The following PLXNA4 variants were observed in gnomAD, a reference collection of about 807,000 sequenced individuals.
PLXNA4 encodes the protein plexin-A4.
A neutral mutation model predicts 191.8 loss-of-function variants in PLXNA4; 44 were observed. The ratio of observed to expected loss-of-function variants is 0.23; its 90% CI spans 0.18 to 0.29. The LOEUF is 0.29. PLXNA4 is among the 10% of genes least tolerant of loss of function. PLXNA4 has a pLI of 1.00. For synonymous variants in PLXNA4, 1,082 were observed against 1,009.5 expected, an observed-to-expected ratio of 1.07 and a Z score of -1.36; for missense variants, 1,800 against 2,488.8, an observed-to-expected ratio of 0.72 and a Z score of 5.89.
chr7:132,558,374 G>C (rs1800891618), intron 1 of PLXNA4, among the ~76,000 whole-genome samples: 1 of 152,054 alleles, frequency 6.6e-6, no homozygotes, highest in South Asian at 2.1e-4. Context: ...AGGCTCTTTA[G>C]AACATTCCAA....
chr7:132,406,330 A>C (rs920493136), intron 3 of PLXNA4, among the ~76,000 whole-genome samples: 3 of 152,210 alleles, frequency 2.0e-5, no homozygotes, highest in Non-Finnish European at 4.4e-5. Context: ...CACGCACTTC[A>C]AGAACTTCTT....
At chr7:132,227,949 A>T (rs1798385909) in intron 6 of PLXNA4, among the ~76,000 whole-genome samples, 1 of 152,192 alleles carries the variant, frequency 6.6e-6, no homozygotes, top group Admixed American at 6.5e-5. Context: ...GGAAAAATAG[A>T]AACACCAACC....
intron 2 of PLXNA4, among the ~76,000 whole-genome samples, chr7:132,590,147 G>T (rs1240548114): frequency 6.6e-6 from 1 of 152,116 alleles, no homozygotes; most frequent in Non-Finnish European, 1.5e-5. Flanking sequence ...AAGACCTCTG[G>T]GTCATCTGAC....
At chr7:132,441,292 A>G (rs1795690174) in intron 3 of PLXNA4, among the ~76,000 whole-genome samples, 1 of 152,202 alleles carries the variant, frequency 6.6e-6, no homozygotes, top group Non-Finnish European at 1.5e-5. Context: ...TTGTCAACGA[A>G]CTTGTCATAA....
intron 2 of PLXNA4, among the ~76,000 whole-genome samples, chr7:132,603,249 G>GAAA (rs35682777): frequency 2.6e-5 from 4 of 150,984 alleles, no homozygotes; most frequent in African/African-American, 9.7e-5. Context: ...TCTCTTTATT[G>GAAA]AAAAAAAAAT....
At chr7:132,218,886 AC>A (rs555147295) in intron 9 of PLXNA4, among the ~76,000 whole-genome samples, 6 of 152,348 alleles carry the variant, frequency 3.9e-5, no homozygotes, top group Admixed American at 3.9e-4. Context: ...ATGGTAGAAT[AC>A]TTGCCATTAA....
chr7:132,269,640 A>ATT (rs200584408), intron 4 of PLXNA4, among the ~76,000 whole-genome samples: 1 of 151,636 alleles, frequency 6.6e-6, no homozygotes, highest in African/African-American at 2.4e-5. Context: ...TGACACATTA[A>ATT]TTTTTTTTCT....
At chr7:132,154,653 A>T (rs1795741985) in intron 25 of PLXNA4, among the ~76,000 whole-genome samples, 1 of 152,180 alleles carries the variant, frequency 6.6e-6, no homozygotes, top group Non-Finnish European at 1.5e-5. Flanking sequence ...GATATTCTTG[A>T]ATGTGGAACA....
intron 28 of PLXNA4, among the ~76,000 whole-genome samples, chr7:132,145,915 CAAA>C: frequency 1.1e-5 from 1 of 92,398 alleles, no homozygotes; most frequent in African/African-American, 4.4e-5. Flanking sequence ...ACTAAAAATA[CAAA>C]AAAAAAAAAA....
intron 3 of PLXNA4, among the ~76,000 whole-genome samples, chr7:132,386,405 G>T (rs922224705): frequency 2.0e-5 from 3 of 152,236 alleles, no homozygotes; most frequent in African/African-American, 7.2e-5. Flanking sequence ...TGTTATGACT[G>T]CACTTGGGTT....
intron 3 of PLXNA4, among the ~76,000 whole-genome samples, chr7:132,400,973 G>A (rs932771862): frequency 1.3e-5 from 2 of 152,200 alleles, no homozygotes; most frequent in Non-Finnish European, 2.9e-5. Context: ...CCTGCAAATA[G>A]CTATCTGTGC....
At chr7:132,191,788 C>CTCTCTCTCTCTCTCTT (rs1562910905) in intron 14 of PLXNA4, among the ~76,000 whole-genome samples, 1 of 151,298 alleles carries the variant, frequency 6.6e-6, no homozygotes, top group African/African-American at 2.4e-5. Flanking sequence ...CTCTCTCTCT[C>CTCTCTCTCTCTCTCTT]TCTCTCTGTC....
Position 132,140,013 on chromosome 7 carries a change from A to T in PLXNA4, c.5438+586T>A, listed in dbSNP as rs112523024. On this transcript the variant is annotated intron_variant, in intron 30 of 31. Transcript: ENST00000321063. ...TAGGAAGAGCCCAGCCCTGCGGCTCATAGGGGGACCTTCAGTCACGAGAGC... is the reference window on the plus strand; with the variant it reads ...TAGGAAGAGCCCAGCCCTGCGGCTCTTAGGGGGACCTTCAGTCACGAGAGC... 8.3e-3 allele frequency among the ~76,000 whole-genome samples: 1,259 copies of T among 152,332 alleles called. 17 individuals are homozygous for T. Among genetic ancestry groups the T allele is most frequent in the African/African-American group, 0.029 (1,214 of 41,574 alleles).
chr7:132,550,842 C>A (rs1183018722), intron 1 of PLXNA4, among the ~76,000 whole-genome samples: 1 of 152,190 alleles, frequency 6.6e-6, no homozygotes, highest in Non-Finnish European at 1.5e-5. Context: ...TAATCCTGGT[C>A]TCTCCCTGAC....
chr7:132,146,662 G>A lies in PLXNA4; in HGVS notation c.4903C>T (p.Arg1635Cys), dbSNP rs778448954. 2.0e-5 allele frequency: 33 copies of A among 1,614,176 alleles called. No homozygotes were observed. Among genetic ancestry groups the A allele is most frequent in the Non-Finnish European group, 2.6e-5 (31 of 1,180,018 alleles). The change falls in exon 28 of 32, where the codon CGC (arginine) becomes TGC (cysteine). Residue 1635 changes from arginine (R) to cysteine (C), a missense_variant. By Grantham distance (180) the Arg-to-Cys change is radical (BLOSUM62 -3). Transcript: ENST00000321063. ...IRYTGSPDSL[R>C]SRTPMITPDL... Reference sequence around the variant, plus strand: ...GGAGTGATCATAGGTGTCCGTGAGCGGAGGCTGTCGGGGCTGCCCGTGTAC... The same window carrying A: ...GGAGTGATCATAGGTGTCCGTGAGCAGAGGCTGTCGGGGCTGCCCGTGTAC...
At chr7:132,331,909 G>A (rs1044017121) in intron 3 of PLXNA4, among the ~76,000 whole-genome samples, 1 of 152,112 alleles carries the variant, frequency 6.6e-6, no homozygotes, top group Non-Finnish European at 1.5e-5. Flanking sequence ...AAAGTGGAAG[G>A]GGCCCTTGAG....
intron 2 of PLXNA4, among the ~76,000 whole-genome samples, chr7:132,494,728 G>T (rs761885282): frequency 5.9e-5 from 9 of 152,188 alleles, no homozygotes; most frequent in Non-Finnish European, 1.2e-4. Flanking sequence ...GAGCAGTTAC[G>T]GTTACTTTAC....
chr7:132,187,466 G>A lies in PLXNA4; in HGVS notation c.2993+5C>T. On this transcript the variant is annotated splice_donor_5th_base_variant and intron_variant, in intron 15 of 31. Transcript: ENST00000321063. Reference sequence around the variant, plus strand: ...GGTGCTGCAGAAAGGGGCCCTCTGAGTTACCTGTGGAAGAGACAGGGCTGC... The same window carrying A: ...GGTGCTGCAGAAAGGGGCCCTCTGAATTACCTGTGGAAGAGACAGGGCTGC... The A allele has an allele frequency of 6.2e-7, 1 of 1,611,988 alleles. No homozygotes were observed. Among genetic ancestry groups the A allele is most frequent in the Non-Finnish European group, 8.5e-7 (1 of 1,178,780 alleles).
intron 30 of PLXNA4, 36 bp from the exon 31 acceptor site, chr7:132,133,235 G>A (rs200755648): frequency 6.2e-6 from 10 of 1,608,474 alleles, no homozygotes; most frequent in Admixed American, 1.7e-5. Flanking sequence ...AGCTGAAGTC[G>A]TGCATACGGA....
Sources: allele counts gnomAD v4.1 joint callset (sites outside exome capture counted in the v4.1 genomes callset), GRCh38; gene constraint gnomAD v4.1.1; transcripts MANE v1.5; gene names NCBI Gene and HGNC (gene_info 2026-07-23, HGNC 2026-07-21).